Variants in EXT1 observed in about 807,000 individuals in gnomAD.
The protein encoded by EXT1 is exostosin glycosyltransferase 1.
EXT1 carries 20 observed loss-of-function variants against 82.5 expected under a neutral mutation model. The ratio of observed to expected loss-of-function variants is 0.24; its 90% CI spans 0.17 to 0.35. The LOEUF is 0.35. Among genes scored for constraint, EXT1 ranks in the 10% least tolerant of loss-of-function variants. The probability of loss-of-function intolerance (pLI) is 1.00; values close to 1 mark genes in which losing one functional copy is unlikely to be tolerated. For synonymous variants in EXT1, 348 were observed against 350.8 expected (o/e 0.99, Z 0.09); for missense variants, 757 against 936.5 (o/e 0.81, Z 2.50).
intron 1 of EXT1, among the ~76,000 whole-genome samples, chr8:117,979,964 G>A (rs1815151845): frequency 6.6e-6 from 1 of 152,144 alleles, no homozygotes; most frequent in Non-Finnish European, 1.5e-5. Flanking sequence ...TGATGAACTG[G>A]GACAGGAGTC....
Position 117,799,373 on chromosome 8 carries a change from A to G in EXT1, c.*339T>C. 1 of 317,976 alleles carries G rather than the reference A, an allele frequency of 3.1e-6. No homozygotes were observed. Among genetic ancestry groups the G allele is most frequent in the Admixed American group, 4.6e-5 (1 of 21,634 alleles). The allele number at this position is 317,976 out of a possible 1,614,324, so 19.7% of individuals were successfully genotyped here. The stretch of plus-strand genomic sequence containing the variant: ...TCACAACCAACACAATTTTGATTAA[A>G]CAAAGAACTCTGGTTTTTAATAGTT... On this transcript the variant is annotated 3_prime_UTR_variant, in exon 11 of 11. Transcript: ENST00000378204.
chr8:118,053,867 T>C (rs1287806174), intron 1 of EXT1, among the ~76,000 whole-genome samples: 2 of 152,190 alleles, frequency 1.3e-5, no homozygotes, highest in East Asian at 1.9e-4. Flanking sequence ...ACTCCACTCC[T>C]TTCTCCCTTC....
At chr8:117,897,136 G>C (rs1321657093) in intron 1 of EXT1, among the ~76,000 whole-genome samples, 1 of 152,210 alleles carries the variant, frequency 6.6e-6, no homozygotes, top group Non-Finnish European at 1.5e-5. Context: ...AGCCAGTTAA[G>C]AACTGAATAA....
At chr8:117,879,349 CAG>C (rs1458325874) in intron 1 of EXT1, among the ~76,000 whole-genome samples, 2 of 151,940 alleles carry the variant, frequency 1.3e-5, no homozygotes, top group African/African-American at 2.4e-5. Context: ...GAAACAAAAA[CAG>C]AGCCTGGAGA....
chr8:117,863,169 T>A (rs112543738), intron 1 of EXT1, among the ~76,000 whole-genome samples: 5 of 136,808 alleles, frequency 3.7e-5, no homozygotes, highest in African/African-American at 1.2e-4. Context: ...CCTTCACTTA[T>A]TTCTCACAAT....
intron 1 of EXT1, among the ~76,000 whole-genome samples, chr8:117,980,565 A>G (rs936554594): frequency 1.3e-5 from 2 of 152,172 alleles, no homozygotes; most frequent in African/African-American, 4.8e-5. Flanking sequence ...CCAACTTAAT[A>G]TATGGAAATC....
chr8:118,058,900 T>C lies in EXT1; in HGVS notation c.962+51185A>G, dbSNP rs7838877. On this transcript the variant is annotated intron_variant, in intron 1 of 10. Coordinates refer to ENST00000378204, the MANE Select transcript of EXT1 (RefSeq NM_000127.3). ...TACATGGACTGGACCCAAATTAAAA[T>C]TGAGTTCAGCTTCCCTCAATCCAAC... is the stretch of plus-strand genomic sequence containing the variant. Among the ~76,000 whole-genome samples the C allele has an allele frequency of 9.8e-3, 1,488 of 152,296 alleles. 22 individuals are homozygous for C. The highest frequency in any genetic ancestry group is 0.033 in the African/African-American group (1,374 of 41,550).
At chr8:117,899,487 A>G (rs1366077123) in intron 1 of EXT1, among the ~76,000 whole-genome samples, 1 of 152,242 alleles carries the variant, frequency 6.6e-6, no homozygotes, top group East Asian at 1.9e-4. Context: ...ATGCTCTGAG[A>G]TAAGCCTGCT....
chr8:117,981,180 T>C (rs1024957029), intron 1 of EXT1, among the ~76,000 whole-genome samples: 2 of 152,204 alleles, frequency 1.3e-5, no homozygotes, highest in Non-Finnish European at 2.9e-5. Flanking sequence ...TATCTCTTTA[T>C]ATGAAGTCAG....
At chr8:117,811,891 G>A (rs530724065) in intron 8 of EXT1, among the ~76,000 whole-genome samples, 1 of 152,300 alleles carries the variant, frequency 6.6e-6, no homozygotes, top group Non-Finnish European at 1.5e-5. Flanking sequence ...TGGGATTACA[G>A]GCGTGAGCCA....
intron 8 of EXT1, among the ~76,000 whole-genome samples, chr8:117,807,679 C>A (rs1011288590): frequency 6.6e-6 from 1 of 152,024 alleles, no homozygotes; most frequent in Non-Finnish European, 1.5e-5. Flanking sequence ...GAAAAAGCTT[C>A]TTTTCCCCCT....
At chr8:117,914,099 T>A (rs969547287) in intron 1 of EXT1, among the ~76,000 whole-genome samples, 7 of 152,166 alleles carry the variant, frequency 4.6e-5, no homozygotes, top group Admixed American at 2.0e-4. Context: ...TTATATGGTG[T>A]CTCCTAGAAG....
chr8:117,865,531 G>A (rs529900020), intron 1 of EXT1, among the ~76,000 whole-genome samples: 1 of 152,194 alleles, frequency 6.6e-6, no homozygotes, highest in African/African-American at 2.4e-5. Context: ...TACTTACTGA[G>A]AGATTTATTT....
intron 1 of EXT1, among the ~76,000 whole-genome samples, chr8:117,852,266 G>C (rs981867283): frequency 1.3e-5 from 2 of 152,154 alleles, no homozygotes; most frequent in African/African-American, 4.8e-5. Context: ...CCATTGGCTA[G>C]CTAAGTGAGC....
chr8:117,827,665 A>G (rs1051334406), intron 4 of EXT1, among the ~76,000 whole-genome samples: 1 of 151,780 alleles, frequency 6.6e-6, no homozygotes, highest in African/African-American at 2.4e-5. Context: ...GCATGCTTGT[A>G]ATCCTAGCTA....
intron 1 of EXT1, among the ~76,000 whole-genome samples, chr8:118,072,858 C>A (rs537477835): frequency 6.6e-6 from 1 of 152,298 alleles, no homozygotes; most frequent in South Asian, 2.1e-4. Flanking sequence ...AGTGGGAACT[C>A]TTACCCAAAG....
At position 118,068,509 on chromosome 8, in the gene EXT1, G is replaced by A. The variant is rs191145325; in HGVS notation, c.962+41576C>T. Among the ~76,000 whole-genome samples the A allele has an allele frequency of 1.6e-4, 24 of 152,164 alleles. No individual in the cohort carries two copies. In the East Asian group the frequency reaches 4.6e-3, roughly 29 times the overall value. On this transcript the variant is annotated intron_variant, in intron 1 of 10. Transcript: ENST00000378204. ...TCTCCCCCGACAGGCCCCAGTGTGT[G>A]TGTGTTGTTCCCCTCCCTGTGTCCA...
intron 10 of EXT1, among the ~76,000 whole-genome samples, chr8:117,804,015 G>C (rs1201491529): frequency 6.6e-6 from 1 of 152,204 alleles, no homozygotes. Flanking sequence ...CTGTGTTAAA[G>C]AGAGTATGGT....
At chr8:118,006,489 T>G (rs963709948) in intron 1 of EXT1, among the ~76,000 whole-genome samples, 1 of 152,146 alleles carries the variant, frequency 6.6e-6, no homozygotes, top group African/African-American at 2.4e-5. Flanking sequence ...AACTTACTCA[T>G]CTGTGAAATG....
Sources: allele counts gnomAD v4.1 joint callset (sites outside exome capture counted in the v4.1 genomes callset), GRCh38; gene constraint gnomAD v4.1.1; transcripts MANE v1.5; gene names NCBI Gene and HGNC (gene_info 2026-07-23, HGNC 2026-07-21).